PALM2AKAP2: variants seen among roughly 807,000 people sequenced by gnomAD.
The protein encoded by PALM2AKAP2 is PALM2 and AKAP2 fusion, also known as PALM2-AKAP2 fusion protein.
In PALM2AKAP2, 37 loss-of-function variants were observed where a neutral mutation model predicts 71.5. The ratio of observed to expected loss-of-function variants is 0.52; its 90% confidence interval spans 0.40 to 0.68. PALM2AKAP2 has a LOEUF of 0.68. PALM2AKAP2 is among the 30% of genes least tolerant of loss of function. The pLI is 0.00. For missense variants in PALM2AKAP2, 1,224 were observed against 1,191.8 expected, an observed-to-expected ratio of 1.03 and a Z score of -0.40; for synonymous variants, 468 against 478.8, an observed-to-expected ratio of 0.98 and a Z score of 0.29.
intron 1 of PALM2AKAP2, among the ~76,000 whole-genome samples, chr9:110,100,642 A>T (rs773860477): frequency 2.9e-4 from 44 of 152,180 alleles, no homozygotes; most frequent in Admixed American, 6.5e-5. Flanking sequence ...CTGATATGTA[A>T]CAACCCCAAA....
At chr9:109,786,836 G>A (rs1176468163) in intron 1 of PALM2AKAP2, among the ~76,000 whole-genome samples, 2 of 152,154 alleles carry the variant, frequency 1.3e-5, no homozygotes, top group South Asian at 2.1e-4. Flanking sequence ...TAAGTGAGGG[G>A]GGTTGTGGGT....
At chr9:109,733,022 T>C (rs959732999) in intron 1 of PALM2AKAP2, among the ~76,000 whole-genome samples, 1 of 152,106 alleles carries the variant, frequency 6.6e-6, no homozygotes, top group Non-Finnish European at 1.5e-5. Context: ...CCAGATAATA[T>C]TGAGAGGCTC....
intron 1 of PALM2AKAP2, among the ~76,000 whole-genome samples, chr9:109,794,840 A>G (rs1439101571): frequency 1.3e-5 from 2 of 152,214 alleles, no homozygotes; most frequent in African/African-American, 4.8e-5. Context: ...GCAGAGCCAT[A>G]ATTGTGAAAT....
upstream of PALM2AKAP2, among the ~76,000 whole-genome samples, chr9:110,046,093 A>G (rs1004079248): frequency 3.3e-5 from 5 of 152,180 alleles, no homozygotes; most frequent in South Asian, 2.1e-4. Flanking sequence ...ATCACCCTCA[A>G]TTGGGAACCA....
intron 1 of PALM2AKAP2, among the ~76,000 whole-genome samples, chr9:109,774,358 G>A (rs900189107): frequency 6.6e-6 from 1 of 152,142 alleles, no homozygotes; most frequent in African/African-American, 2.4e-5. Flanking sequence ...CTACCACAGA[G>A]CACCTTCAAT....
chr9:109,796,109 T>TTCTGTATC (rs1397925232), intron 1 of PALM2AKAP2, among the ~76,000 whole-genome samples: 6 of 152,236 alleles, frequency 3.9e-5, no homozygotes, highest in Non-Finnish European at 8.8e-5. Context: ...AGAGTTCTTG[T>TTCTGTATC]TCTGTATCTT....
intron 3 of PALM2AKAP2, among the ~76,000 whole-genome samples, chr9:109,888,732 A>AAG (rs397707428): frequency 6.6e-6 from 1 of 150,762 alleles, no homozygotes; most frequent in Non-Finnish European, 1.5e-5. Flanking sequence ...AAAAAAAAAA[A>AAG]GAATAGTGCT....
intron 1 of PALM2AKAP2, among the ~76,000 whole-genome samples, chr9:109,850,079 C>T (rs1215473310): frequency 6.6e-6 from 1 of 152,150 alleles, no homozygotes; most frequent in African/African-American, 2.4e-5. Context: ...GATTTCCTCT[C>T]CTTGTCTCAG....
At chr9:109,748,568 A>G (rs1828837479) in intron 1 of PALM2AKAP2, among the ~76,000 whole-genome samples, 1 of 152,192 alleles carries the variant, frequency 6.6e-6, no homozygotes, top group Non-Finnish European at 1.5e-5. Context: ...TAGAATCATG[A>G]TGCTTCCTAA....
intron 1 of PALM2AKAP2, among the ~76,000 whole-genome samples, chr9:109,710,125 G>A (rs1415622551): frequency 6.6e-6 from 1 of 152,198 alleles, no homozygotes; most frequent in Non-Finnish European, 1.5e-5. Flanking sequence ...TAGGAGAAAG[G>A]CAGGGAACAA....
In PALM2AKAP2 at chr9:109,939,429, T is replaced by C. The variant is rs1382303528; in HGVS notation, c.496+7401T>C. Among the ~76,000 whole-genome samples, 10 of 152,366 alleles carry C rather than the reference T, an allele frequency of 6.6e-5. No homozygotes were observed. The East Asian group carries it at 1.9e-3, about 29-fold the overall frequency. Reference sequence around the variant, plus strand: ...ATGTTAATAATTTGTATTTTTATCCTATCACATATGGATATAAAAATAGAA... The same window carrying C: ...ATGTTAATAATTTGTATTTTTATCCCATCACATATGGATATAAAAATAGAA... On this transcript the variant is annotated intron_variant, in intron 6 of 9. Transcript: ENST00000302798.
upstream of PALM2AKAP2, among the ~76,000 whole-genome samples, chr9:109,778,885 C>T (rs1463109914): frequency 1.3e-5 from 2 of 151,766 alleles, no homozygotes; most frequent in African/African-American, 2.4e-5. Flanking sequence ...TCTCCTGCCT[C>T]GGCTTCCCAA....
rs1481207660 is a variant in PALM2AKAP2 at position 109,862,948 on chromosome 9, T to C, written c.46-4543T>C. 3 of 512,414 alleles carry C rather than the reference T, an allele frequency of 5.9e-6. No homozygotes were observed. The Admixed American group carries it at 5.9e-5, about 10-fold the overall frequency. 31.7% of individuals were successfully genotyped at this position (512,414 alleles called of 1,614,324 possible). On this transcript the variant is annotated intron_variant, in intron 1 of 9. Coordinates refer to the PALM2AKAP2 transcript ENST00000302798. ...GAGGTTGGATCATGGTAGGGGGCCA[T>C]GGCTTGAGATGAAGCTGTGAAATAG...
At chr9:109,942,653 A>G in intron 6 of PALM2AKAP2, 1 of 1,517,838 alleles carries the variant, frequency 6.6e-7, no homozygotes, top group Non-Finnish European at 8.8e-7. Context: ...TTTTGTTGTA[A>G]CATGCACTTC....
chr9:109,770,396 G>T (rs2068439), intron 1 of PALM2AKAP2, among the ~76,000 whole-genome samples: 5,324 of 152,148 alleles, frequency 0.035, 226 homozygotes, highest in East Asian at 0.21. Context: ...GGAGTCTATA[G>T]TTCTTACCAG....
chr9:110,002,707 G>A (rs1832702554), intron 6 of PALM2AKAP2, among the ~76,000 whole-genome samples: 1 of 152,142 alleles, frequency 6.6e-6, no homozygotes, highest in African/African-American at 2.4e-5. Flanking sequence ...CTCAATTTCA[G>A]AGCCTGTTAT....
At chr9:110,046,719 C>G (rs774672227), upstream of PALM2AKAP2, among the ~76,000 whole-genome samples, 1 of 152,142 alleles carries the variant, frequency 6.6e-6, no homozygotes, top group Non-Finnish European at 1.5e-5. Context: ...CCGCCCACCT[C>G]GGCCTCCCAA....
chr9:109,797,335 G>T (rs1485363174), intron 1 of PALM2AKAP2, among the ~76,000 whole-genome samples: 1 of 152,184 alleles, frequency 6.6e-6, no homozygotes, highest in Non-Finnish European at 1.5e-5. Context: ...TTTTTGAATG[G>T]AAACAGTTGC....
At chr9:110,025,353 C>G in intron 7 of PALM2AKAP2, 1 of 1,136,944 alleles carries the variant, frequency 8.8e-7, no homozygotes, top group Non-Finnish European at 1.3e-6. Flanking sequence ...CCTTTGTGTT[C>G]GTCATTTTGG....
Sources: allele counts gnomAD v4.1 joint callset (sites outside exome capture counted in the v4.1 genomes callset), GRCh38; gene constraint gnomAD v4.1.1; transcripts MANE v1.5; gene names NCBI Gene and HGNC (gene_info 2026-07-23, HGNC 2026-07-21).